The following ITGA8 variants were observed in gnomAD, a reference collection of about 807,000 sequenced individuals.
ITGA8 encodes integrin subunit alpha 8, also known as integrin alpha-8.
A neutral mutation model predicts 142.3 loss-of-function variants in ITGA8; 91 were observed. The ratio of observed to expected loss-of-function variants is 0.64; its 90% confidence interval spans 0.54 to 0.76. The LOEUF (loss-of-function observed/expected upper bound fraction) is 0.76, where lower values mean the gene tolerates loss of function less well. ITGA8 is among the 30% of genes least tolerant of loss of function. ITGA8 has a pLI of 0.00. For synonymous variants in ITGA8, 505 were observed against 485.2 expected, an observed-to-expected ratio of 1.04 and a Z score of -0.54; for missense variants, 1,406 against 1,327.7, an observed-to-expected ratio of 1.06 and a Z score of -0.92.
chr10:15,568,598 ATAGACCGGTTG>A (rs1156526451), intron 25 of ITGA8, among the ~76,000 whole-genome samples: 1 of 152,212 alleles, frequency 6.6e-6, no homozygotes, highest in Non-Finnish European at 1.5e-5. Flanking sequence ...TATCCAGGTT[ATAGACCGGTTG>A]TATTTCAGAA....
At chr10:15,645,059 A>G (rs1423702590) in intron 12 of ITGA8, among the ~76,000 whole-genome samples, 1 of 134,908 alleles carries the variant, frequency 7.4e-6, no homozygotes, top group East Asian at 2.3e-4. Flanking sequence ...AGATCGTGCC[A>G]CTGCACTCTA....
chr10:15,714,813 A>C (rs1349195392), intron 2 of ITGA8, among the ~76,000 whole-genome samples: 1 of 152,184 alleles, frequency 6.6e-6, no homozygotes, highest in Non-Finnish European at 1.5e-5. Flanking sequence ...GTCTCCTTCA[A>C]AGTCTAAGCT....
Position 15,672,799 on chromosome 10 carries a change from C to A in ITGA8, c.677-50G>T, listed in dbSNP as rs777137317. 11 of 1,522,108 alleles carry A rather than the reference C, an allele frequency of 7.2e-6. No individual in the cohort carries two copies. In the Admixed American group the frequency reaches 8.2e-5, roughly 11 times the overall value. The allele number at this position is 1,522,108 out of a possible 1,614,324, so 94.3% of individuals were successfully genotyped here. A position where few individuals can be genotyped will look rare whatever the true frequency, so the allele number is the denominator to read the frequency against. ...TAACTGAATGAAAGCAAGAGGCAGG[C>A]CCTCCATGAGCAGACCCACATTCCC... is the stretch of plus-strand genomic sequence containing the variant. On this transcript the variant is annotated intron_variant, in intron 6 of 29. Transcript: ENST00000378076.
Position 15,571,321 on chromosome 10 carries a change from C to T in ITGA8, c.2637+890G>A, listed in dbSNP as rs888718416. 9.2e-5 allele frequency among the ~76,000 whole-genome samples: 14 copies of T among 152,274 alleles called. No homozygotes were observed. The East Asian group carries it at 1.2e-3, about 13-fold the overall frequency. Reference sequence around the variant, plus strand: ...TGGCGTGGGTATTCCATGAAGCCTGCGCTGCGCCATTTTTAATAGAGACAC... The same window carrying T: ...TGGCGTGGGTATTCCATGAAGCCTGTGCTGCGCCATTTTTAATAGAGACAC... On this transcript the variant is annotated intron_variant, in intron 25 of 29. Transcript: ENST00000378076.
At chr10:15,661,395 G>A (rs953648006) in intron 8 of ITGA8, among the ~76,000 whole-genome samples, 5 of 152,272 alleles carry the variant, frequency 3.3e-5, no homozygotes, top group South Asian at 2.1e-4. Context: ...GTACCAAAAC[G>A]GTTGCGGATT....
intron 26 of ITGA8, among the ~76,000 whole-genome samples, chr10:15,552,273 A>T (rs1223873094): frequency 6.6e-6 from 1 of 152,018 alleles, no homozygotes; most frequent in Non-Finnish European, 1.5e-5. Flanking sequence ...AGTAGCTGGG[A>T]CTACAGGCGT....
At chr10:15,595,205 G>A (rs2131599431) in intron 21 of ITGA8, among the ~76,000 whole-genome samples, 1 of 152,144 alleles carries the variant, frequency 6.6e-6, no homozygotes, top group East Asian at 1.9e-4. Context: ...AAAATACCAA[G>A]TCACTTGAAA....
At chr10:15,628,857 C>G (rs1330383922) in intron 13 of ITGA8, among the ~76,000 whole-genome samples, 1 of 151,858 alleles carries the variant, frequency 6.6e-6, no homozygotes, top group Non-Finnish European at 1.5e-5. Flanking sequence ...TATTATGTAT[C>G]AAAAAATTTA....
chr10:15,665,969 CT>C (rs1434009381), intron 8 of ITGA8, among the ~76,000 whole-genome samples: 1 of 152,214 alleles, frequency 6.6e-6, no homozygotes, highest in African/African-American at 2.4e-5. Context: ...CAGCTTTGTT[CT>C]TTTGGTTTAG....
intron 13 of ITGA8, among the ~76,000 whole-genome samples, chr10:15,633,654 A>G (rs970987407): frequency 3.9e-5 from 6 of 152,158 alleles, no homozygotes; most frequent in African/African-American, 1.4e-4. Flanking sequence ...TCCTGATCTC[A>G]GGTGATCTGC....
chr10:15,585,327 T>A (rs1832808187), intron 23 of ITGA8, among the ~76,000 whole-genome samples: 1 of 152,188 alleles, frequency 6.6e-6, no homozygotes, highest in African/African-American at 2.4e-5. Context: ...CGCAATTCCC[T>A]CACCTGTACA....
chr10:15,707,272 A>G (rs554504711), intron 2 of ITGA8, among the ~76,000 whole-genome samples: 9 of 152,192 alleles, frequency 5.9e-5, no homozygotes, highest in Non-Finnish European at 1.2e-4. Flanking sequence ...ATTTGGACCT[A>G]ATGTAATGAT....
At chr10:15,519,744 T>C (rs1421898662) in intron 28 of ITGA8, among the ~76,000 whole-genome samples, 1 of 152,094 alleles carries the variant, frequency 6.6e-6, no homozygotes, top group African/African-American at 2.4e-5. Context: ...ATGGGAACAA[T>C]GGCCAAAAGT....
intron 2 of ITGA8, among the ~76,000 whole-genome samples, chr10:15,689,626 G>A (rs1834896351): frequency 6.6e-6 from 1 of 152,140 alleles, no homozygotes; most frequent in Non-Finnish European, 1.5e-5. Context: ...CCACTCCTGT[G>A]ACCAGAGCAG....
intron 29 of ITGA8, among the ~76,000 whole-genome samples, chr10:15,517,753 G>A (rs1159701624): frequency 6.6e-6 from 1 of 152,372 alleles, no homozygotes; most frequent in African/African-American, 2.4e-5. Flanking sequence ...GTGAGCAGGA[G>A]GGCAGAGTGC....
chr10:15,685,987 GTT>G (rs1459301331), intron 3 of ITGA8, among the ~76,000 whole-genome samples: 1 of 152,146 alleles, frequency 6.6e-6, no homozygotes, highest in Non-Finnish European at 1.5e-5. Context: ...TTGGACTTCT[GTT>G]TTTCTTGCCT....
intron 19 of ITGA8, 141 bp from the exon 20 acceptor site, chr10:15,604,496 A>G (rs1233455517): frequency 2.0e-5 from 11 of 555,864 alleles, no homozygotes; most frequent in African/African-American, 1.3e-4. Flanking sequence ...AGATGGTAGG[A>G]AGAGGCAAGA....
At chr10:15,583,088 A>G (rs900441915) in intron 23 of ITGA8, among the ~76,000 whole-genome samples, 1 of 152,228 alleles carries the variant, frequency 6.6e-6, no homozygotes, top group Non-Finnish European at 1.5e-5. Flanking sequence ...AAAAGAAACC[A>G]TCATAGCAAA....
chr10:15,688,633 T>C (rs2131708735), intron 2 of ITGA8, among the ~76,000 whole-genome samples: 1 of 152,280 alleles, frequency 6.6e-6, no homozygotes, highest in East Asian at 1.9e-4. Flanking sequence ...CAACAGCATG[T>C]TAAAAGTATC....
Sources: allele counts gnomAD v4.1 joint callset (sites outside exome capture counted in the v4.1 genomes callset), GRCh38; gene constraint gnomAD v4.1.1; transcripts MANE v1.5; gene names NCBI Gene and HGNC (gene_info 2026-07-23, HGNC 2026-07-21).